Variants in RGS16 observed in about 807,000 individuals in gnomAD.
RGS16 encodes the protein regulator of G protein signaling 16.
RGS16 carries 12 observed loss-of-function variants against 18.1 expected under a neutral mutation model. That is an observed-to-expected ratio of 0.66 (90% CI 0.42 to 1.07). RGS16 has a LOEUF of 1.07. RGS16 is among the 50% of genes least tolerant of loss of function. The pLI is 0.00. For missense variants in RGS16, 238 were observed against 249.2 expected, an observed-to-expected ratio of 0.95 and a Z score of 0.30; for synonymous variants, 88 against 102.0, an observed-to-expected ratio of 0.86 and a Z score of 0.83.
Position 182,603,237 on chromosome 1 carries a change from G to A in RGS16, c.147C>T (p.Ser49=). Residue 49 remains serine (S), a synonymous_variant, in exon 2 of 5, where the codon AGC becomes AGT. Transcript: ENST00000367558. ...TGKFEWGSKH[S]KENRNFSEDV... is the part of the protein sequence containing the mutation. ...TGGTCAGCAACACTTACTTCTCTTT[G>A]CTGTGTTTACTGCCCCACTCGAACT... The A allele has an allele frequency of 6.2e-7, 1 of 1,611,234 alleles. No homozygotes were observed. The highest frequency in any genetic ancestry group is 8.5e-7 in the Non-Finnish European group (1 of 1,177,398).
rs367828164 is a variant in RGS16, at chr1:182,604,176, G to C, written c.44+40C>G. 8.7e-5 allele frequency: 135 copies of C among 1,549,066 alleles called. 1 individual carries two copies. The African/African-American group carries it at 1.7e-3, about 19-fold the overall frequency. ...CCTGCCGCTCCACTCCCTAAGAGTT[G>C]GTGGGACTTCCCCCAAGCAGTTGGA... On this transcript the variant is annotated intron_variant, in intron 1 of 4. Coordinates refer to ENST00000367558, the MANE Select transcript of RGS16 (RefSeq NM_002928.4).
Position 182,604,269 on chromosome 1 carries a change from C to T in RGS16, c.-10G>A, listed in dbSNP as rs1035571142. 3.2e-6 allele frequency: 5 copies of T among 1,549,368 alleles called. No homozygotes were observed. Among genetic ancestry groups the T allele is most frequent in the South Asian group, 1.2e-5 (1 of 83,890 alleles). Reference sequence around the variant, plus strand: ...CCAGGGTGCGGCACATGGCTGCGGGCGCAGGGCAGCACGTAGTAGGCAGGA... The same window carrying T: ...CCAGGGTGCGGCACATGGCTGCGGGTGCAGGGCAGCACGTAGTAGGCAGGA... On this transcript the variant is annotated 5_prime_UTR_variant, in exon 1 of 5. Transcript: ENST00000367558.
At chr1:182,604,172 A>T (rs1233539420) in intron 1 of RGS16, 44 bp downstream of exon 1, 1 of 1,549,118 alleles carries the variant, frequency 6.5e-7, no homozygotes. Flanking sequence ...ACTCCCTAAG[A>T]GTTGGTGGGA....
rs757534797 is a variant in RGS16 at position 182,600,382 on chromosome 1, C to T, written c.519G>A (p.Lys173=). 1 of 1,613,968 alleles carries T rather than the reference C, an allele frequency of 6.2e-7. No homozygotes were observed. Among genetic ancestry groups the T allele is most frequent in the Non-Finnish European group, 8.5e-7 (1 of 1,179,980 alleles). ...CAGCCAGGTCCCGGTAAGCAGGCGA[C>T]TTCAGGAAGCGTGGGTAGGAGTCCT... ...MEKDSYPRFL[K]SPAYRDLAAQ... is the part of the protein sequence containing the mutation. The change falls in exon 5 of 5, where the codon AAG becomes AAA. Residue 173 remains lysine (K), a synonymous_variant. Transcript: ENST00000367558.
At chr1:182,600,820 A>G (rs1262329016) in intron 4 of RGS16, among the ~76,000 whole-genome samples, 1 of 152,180 alleles carries the variant, frequency 6.6e-6, no homozygotes, top group African/African-American at 2.4e-5. Flanking sequence ...GATTTGCACC[A>G]AGGCCTCCTA....
chr1:182,602,039 C>A lies in RGS16; in HGVS notation c.314G>T (p.Arg105Leu). 1 of 1,614,136 alleles carries A rather than the reference C, an allele frequency of 6.2e-7. No individual in the cohort carries two copies. The highest frequency in any genetic ancestry group is 1.1e-5 in the South Asian group (1 of 91,084). ...CCTGGAGGCCAGCTTGGTAGCTGAT[C>A]GGATCTTCTTGAACTCCTCACAGGC... ...WLACEEFKKI[R>L]SATKLASRAH... Residue 105 changes from arginine (R) to leucine (L), a missense_variant, in exon 4 of 5, where the codon CGA becomes CTA. Transcript: ENST00000367558.
chr1:182,600,437 G>A lies in RGS16; in HGVS notation c.464C>T (p.Ala155Val). 6.2e-7 allele frequency: 1 copy of A among 1,614,086 alleles called. No individual in the cohort carries two copies. Among genetic ancestry groups the A allele is most frequent in the Non-Finnish European group, 8.5e-7 (1 of 1,180,008 alleles). Residue 155 changes from alanine to valine, a missense_variant, in exon 5 of 5, where the codon GCT becomes GTT. By Grantham distance (64) the Ala-to-Val change is moderately conservative. Coordinates refer to ENST00000367558, the MANE Select transcript of RGS16 (RefSeq NM_002928.4). ...CATCAGGGTACGTGTCTTCCCCTGA[G>A]CCGCATCAAAGCATGTGGCTGTGGC... ...QTATATCFDA[A>V]QGKTRTLMEK...
chr1:182,603,199 C>T (rs372520068), intron 2 of RGS16, 30 bp downstream of exon 2: 180 of 1,508,526 alleles, frequency 1.2e-4, no homozygotes, highest in Middle Eastern at 8.6e-4. Flanking sequence ...CCTTCCCTCT[C>T]GGAGCCCTGA....
intron 1 of RGS16, 33 bp downstream of exon 1, chr1:182,604,183 C>T (rs1661913896): frequency 6.4e-7 from 1 of 1,551,088 alleles, no homozygotes; most frequent in East Asian, 2.4e-5. Flanking sequence ...GTTGGTGGGA[C>T]TTCCCCCAAG....
Position 182,604,150 on chromosome 1 carries a change from GC to G in RGS16, c.44+65del, listed in dbSNP as rs1379930135. 3 of 1,528,066 alleles carry G rather than the reference GC, an allele frequency of 2.0e-6. No homozygotes were observed. In the African/African-American group the frequency reaches 4.1e-5, roughly 21 times the overall value. 94.7% of individuals were successfully genotyped at this position (1,528,066 alleles called of 1,614,324 possible). On this transcript the variant is annotated intron_variant, in intron 1 of 4. Transcript: ENST00000367558. Reference sequence around the variant, plus strand: ...TCCCCGCGCCCACCCAGGTCCCCAGGCCTGCCGCTCCACTCCCTAAGAGTTG... The same window carrying G: ...TCCCCGCGCCCACCCAGGTCCCCAGGCTGCCGCTCCACTCCCTAAGAGTTG...
rs777753273 is a variant in RGS16 at position 182,602,098 on chromosome 1, T to C, written c.255A>G (p.Thr85=). Residue 85 remains threonine, a synonymous_variant, in exon 4 of 5, where the codon ACA becomes ACG. Transcript: ENST00000367558. ...ACTCCAGGTTCTCCTCACTGAACTCTGTCTTCAGGAAAGCGTGGAAGGCAG... is the reference window on the plus strand; with the variant it reads ...ACTCCAGGTTCTCCTCACTGAACTCCGTCTTCAGGAAAGCGTGGAAGGCAG... ...GVAAFHAFLK[T]EFSEENLEFW... The C allele has an allele frequency of 3.7e-6, 6 of 1,613,986 alleles. No individual in the cohort carries two copies. In the East Asian group the frequency reaches 1.3e-4, roughly 36 times the overall value.
chr1:182,602,189 A>G, intron 3 of RGS16, 57 bp from the exon 4 acceptor site: 2 of 1,576,456 alleles, frequency 1.3e-6, no homozygotes, highest in Non-Finnish European at 1.7e-6. Context: ...CAGGGAATAC[A>G]AGAAGAAAGG....
rs1661881245 is a variant in RGS16 at position 182,602,430 on chromosome 1, C to T, written c.210G>A (p.Leu70=). 2 of 1,613,698 alleles carry T rather than the reference C, an allele frequency of 1.2e-6. No individual in the cohort carries two copies. Among genetic ancestry groups the T allele is most frequent in the Non-Finnish European group, 1.7e-6 (2 of 1,179,832 alleles). The change falls in exon 3 of 5, where the codon CTG becomes CTA. Residue 70 remains leucine, a synonymous_variant. Transcript: ENST00000367558. The stretch of plus-strand genomic sequence containing the variant: ...AAGGCTCCTACTCACTTTTACTGCT[C>T]AGCAGCAGGTCGAACGACTCTCTCC... ...LGWRESFDLL[L]SSKNGVAAFH...
intron 4 of RGS16, among the ~76,000 whole-genome samples, chr1:182,601,194 G>A (rs1661857882): frequency 6.6e-6 from 1 of 152,192 alleles, no homozygotes; most frequent in Non-Finnish European, 1.5e-5. Flanking sequence ...TTTACAGAAT[G>A]GAAAACCTTA....
rs967905649 is a variant in RGS16 at position 182,600,233 on chromosome 1, C to T, written c.*59G>A. ...CCTGCCTCCCACACAGGGGCAGCCACCTCGGGGATGGGTGACTCAACCTCT... is the reference window on the plus strand; with the variant it reads ...CCTGCCTCCCACACAGGGGCAGCCATCTCGGGGATGGGTGACTCAACCTCT... On this transcript the variant is annotated 3_prime_UTR_variant, in exon 5 of 5. Transcript: ENST00000367558. The T allele has an allele frequency of 1.4e-6, 2 of 1,469,824 alleles. No individual in the cohort carries two copies. The highest frequency in any genetic ancestry group is 9.4e-7 in the Non-Finnish European group (1 of 1,059,894). 91.0% of individuals were successfully genotyped at this position (1,469,824 alleles called of 1,614,324 possible).
rs1209468051 is a variant in RGS16 at position 182,602,094 on chromosome 1, A to C, written c.259T>G (p.Phe87Val). 1 of 1,614,068 alleles carries C rather than the reference A, an allele frequency of 6.2e-7. No individual in the cohort carries two copies. Among genetic ancestry groups the C allele is most frequent in the African/African-American group, 1.3e-5 (1 of 74,992 alleles). ...AAFHAFLKTE[F>V]SEENLEFWLA... The stretch of plus-strand genomic sequence containing the variant: ...CAGAACTCCAGGTTCTCCTCACTGA[A>C]CTCTGTCTTCAGGAAAGCGTGGAAG... The change falls in exon 4 of 5, where the codon TTC becomes GTC. Residue 87 changes from phenylalanine to valine, a missense_variant. Phe to Val is a conservative substitution (Grantham distance 50, BLOSUM62 -1). Coordinates refer to ENST00000367558, the MANE Select transcript of RGS16 (RefSeq NM_002928.4).
rs1156741035 is a variant in RGS16, at chr1:182,604,351, G to A, written c.-92C>T. The A allele has an allele frequency of 2.2e-5, 29 of 1,332,942 alleles. No individual in the cohort carries two copies. The highest frequency in any genetic ancestry group is 2.8e-5 in the South Asian group (2 of 71,912). 82.6% of individuals were successfully genotyped at this position (1,332,942 alleles called of 1,614,324 possible). ...CCAGGAAGCAAAGGCGCGGTAGCAG[G>A]TGCTAGTCAACTGCGGTTGGGTTTA... On this transcript the variant is annotated 5_prime_UTR_variant, in exon 1 of 5. Transcript: ENST00000367558.
Position 182,602,078 on chromosome 1 carries a change from A to G in RGS16, c.275T>C (p.Leu92Pro), listed in dbSNP as rs200971580. ...FLKTEFSEENLEFWLACEEFK... is the reference protein window; with the variant it reads ...FLKTEFSEENPEFWLACEEFK... Reference sequence around the variant, plus strand: ...CTCCTCACAGGCCAGCCAGAACTCCAGGTTCTCCTCACTGAACTCTGTCTT... The same window carrying G: ...CTCCTCACAGGCCAGCCAGAACTCCGGGTTCTCCTCACTGAACTCTGTCTT... The change falls in exon 4 of 5, where the codon CTG becomes CCG. Residue 92 changes from leucine to proline, a missense_variant. Transcript: ENST00000367558. 1 of 1,614,068 alleles carries G rather than the reference A, an allele frequency of 6.2e-7. No homozygotes were observed. Among genetic ancestry groups the G allele is most frequent in the Non-Finnish European group, 8.5e-7 (1 of 1,180,030 alleles).
In RGS16 at chr1:182,600,449, C is replaced by A; in HGVS notation, c.452G>T (p.Cys151Phe). ...RMNLQTATATCFDAAQGKTRT... is the reference protein window; with the variant it reads ...RMNLQTATATFFDAAQGKTRT... ...TGTCTTCCCCTGAGCCGCATCAAAG[C>A]ATGTGGCTGTGGCAGTCTGCAGGTT... The change falls in exon 5 of 5, where the codon TGC (cysteine) becomes TTC (phenylalanine). Residue 151 changes from cysteine (C) to phenylalanine (F), a missense_variant. By Grantham distance (205) the Cys-to-Phe change is radical. Coordinates refer to ENST00000367558, the MANE Select transcript of RGS16 (RefSeq NM_002928.4). The A allele has an allele frequency of 6.2e-7, 1 of 1,614,092 alleles. No homozygotes were observed. Among genetic ancestry groups the A allele is most frequent in the South Asian group, 1.1e-5 (1 of 91,082 alleles).
Sources: gnomAD v4.1 joint callset for allele counts (sites outside exome capture counted in the v4.1 genomes callset) on GRCh38, gnomAD v4.1.1 for gene constraint, MANE v1.5 for transcripts, NCBI Gene and HGNC (gene_info 2026-07-23, HGNC 2026-07-21) for gene names.